The following NLRP9 variants were observed in gnomAD, a reference collection of about 807,000 sequenced individuals.
The protein encoded by NLRP9 is NLR family pyrin domain containing 9, also known as NACHT, LRR and PYD domains-containing protein 9.
A neutral mutation model predicts 83.1 loss-of-function variants in NLRP9; 88 were observed. That is an observed-to-expected ratio of 1.06 (90% confidence interval 0.89 to 1.26). NLRP9 has a LOEUF of 1.26. Ranked by LOEUF, NLRP9 falls within the 50% of genes most tolerant of loss-of-function variation. NLRP9 has a pLI of 0.00. For missense variants in NLRP9, 1,308 were observed against 1,179.3 expected, an observed-to-expected ratio of 1.11 and a Z score of -1.60; for synonymous variants, 521 against 447.6, an observed-to-expected ratio of 1.16 and a Z score of -2.07.
chr19:55,726,523 T>C (rs1988408556), intron 3 of NLRP9, among the ~76,000 whole-genome samples: 1 of 152,214 alleles, frequency 6.6e-6, no homozygotes, highest in African/African-American at 2.4e-5. Flanking sequence ...TGGAACATAT[T>C]GATCCATCTG....
chr19:55,714,747 G>A (rs1987940436), intron 6 of NLRP9, among the ~76,000 whole-genome samples: 1 of 152,108 alleles, frequency 6.6e-6, no homozygotes, highest in Non-Finnish European at 1.5e-5. Flanking sequence ...AACAAATTCA[G>A]TGTCTGGCGA....
chr19:55,716,383 C>T (rs1429372550), intron 5 of NLRP9, among the ~76,000 whole-genome samples: 11 of 151,776 alleles, frequency 7.2e-5, no homozygotes, highest in South Asian at 2.1e-4. Context: ...CTCAGCCTCC[C>T]GAGTAGCTGG....
chr19:55,712,401 G>T lies in NLRP9; in HGVS notation c.2672+19C>A, dbSNP rs1055650286. The T allele has an allele frequency of 5.7e-6, 9 of 1,592,288 alleles. No homozygotes were observed. The African/African-American group carries it at 8.1e-5, about 14-fold the overall frequency. ...GAAATAGATAAATTTTCCTACGATGGTGATCAGTAGATACTCACCCGAGAC... is the reference window on the plus strand; with the variant it reads ...GAAATAGATAAATTTTCCTACGATGTTGATCAGTAGATACTCACCCGAGAC... On this transcript the variant is annotated intron_variant, in intron 7 of 8. Transcript: ENST00000332836.
intron 8 of NLRP9, 112 bp from the exon 9 acceptor site, chr19:55,709,156 A>G: frequency 1.4e-6 from 1 of 707,264 alleles, no homozygotes; most frequent in Non-Finnish European, 2.2e-6. Context: ...CCTAGAAATC[A>G]CTGGGAGAAT....
chr19:55,732,789 T>C lies in NLRP9; in HGVS notation c.1042A>G (p.Lys348Glu). The stretch of plus-strand genomic sequence containing the variant: ...TCTTCTCCCCTCTCTAGCCTCTGTT[T>C]CACACAAGTACAGACCAACCAGCAC... ...FTCWLVCTCV[K>E]QRLERGEDLE... is the part of the protein sequence containing the mutation. Residue 348 changes from lysine (K) to glutamate (E), a missense_variant, in exon 2 of 9, where the codon AAA (lysine) becomes GAA (glutamate). By Grantham distance (56) the Lys-to-Glu change is moderately conservative. Coordinates refer to ENST00000332836, the MANE Select transcript of NLRP9 (RefSeq NM_176820.4). 6.2e-7 allele frequency: 1 copy of C among 1,614,176 alleles called. No homozygotes were observed. The highest frequency in any genetic ancestry group is 1.1e-5 in the South Asian group (1 of 91,076).
At chr19:55,720,729 G>A (rs1449360489) in intron 4 of NLRP9, among the ~76,000 whole-genome samples, 2 of 152,106 alleles carry the variant, frequency 1.3e-5, no homozygotes, top group Non-Finnish European at 2.9e-5. Flanking sequence ...TTAAGAATGT[G>A]GAAAACCAAA....
intron 3 of NLRP9, among the ~76,000 whole-genome samples, chr19:55,728,305 G>A (rs947083735): frequency 4.6e-5 from 7 of 152,086 alleles, no homozygotes; most frequent in African/African-American, 1.7e-4. Context: ...GGCCAGGTGC[G>A]GTGGCTCACG....
intron 3 of NLRP9, among the ~76,000 whole-genome samples, chr19:55,726,701 T>C (rs1420184963): frequency 6.6e-6 from 1 of 152,164 alleles, no homozygotes; most frequent in Non-Finnish European, 1.5e-5. Flanking sequence ...AACCATTCCA[T>C]GTGAGTGATG....
intron 6 of NLRP9, among the ~76,000 whole-genome samples, chr19:55,714,731 G>C (rs1412825178): frequency 1.3e-5 from 2 of 152,152 alleles, no homozygotes; most frequent in Non-Finnish European, 2.9e-5. Context: ...CCAAGATCAA[G>C]ATGCCAACAA....
At chr19:55,731,495 G>A (rs1376790555) in intron 2 of NLRP9, among the ~76,000 whole-genome samples, 1 of 152,076 alleles carries the variant, frequency 6.6e-6, no homozygotes, top group Non-Finnish European at 1.5e-5. Flanking sequence ...AGGCCGAGAT[G>A]GGTGGATCAC....
intron 6 of NLRP9, 49 bp from the exon 7 acceptor site, chr19:55,712,639 T>A (rs1436595670): frequency 1.3e-5 from 20 of 1,501,842 alleles, no homozygotes; most frequent in Non-Finnish European, 1.7e-5. Flanking sequence ...AGGTCAATCA[T>A]AACAGCCCAC....
At chr19:55,709,844 A>T (rs1296061503) in intron 8 of NLRP9, 3 of 152,244 alleles carry the variant, frequency 2.0e-5, no homozygotes, top group African/African-American at 7.2e-5. Context: ...AAATATAAAA[A>T]ATAAGTTCAC....
chr19:55,715,754 T>C (rs1253892617), intron 5 of NLRP9, among the ~76,000 whole-genome samples: 6 of 149,136 alleles, frequency 4.0e-5, no homozygotes, highest in Non-Finnish European at 9.0e-5. Flanking sequence ...TGGAATACAG[T>C]GTCCCAACAA....
intron 8 of NLRP9, 171 bp from the exon 9 acceptor site, chr19:55,709,215 G>A (rs1471536570): frequency 6.5e-6 from 3 of 460,964 alleles, no homozygotes; most frequent in Non-Finnish European, 7.5e-6. Flanking sequence ...AGGATAGGAA[G>A]CCTCTGATTT....
chr19:55,734,886 C>T (rs1216585267), intron 1 of NLRP9, among the ~76,000 whole-genome samples: 4 of 151,984 alleles, frequency 2.6e-5, no homozygotes, highest in African/African-American at 7.3e-5. Context: ...CTGCCCTCCT[C>T]GGCCTCCCAA....
At chr19:55,731,498 T>C (rs1171662161) in intron 2 of NLRP9, among the ~76,000 whole-genome samples, 1 of 151,620 alleles carries the variant, frequency 6.6e-6, no homozygotes. Context: ...CCGAGATGGG[T>C]GGATCACCTG....
At chr19:55,734,047 C>T (rs1004771184) in intron 1 of NLRP9, among the ~76,000 whole-genome samples, 4 of 151,106 alleles carry the variant, frequency 2.6e-5, no homozygotes, top group Non-Finnish European at 3.0e-5. Flanking sequence ...CGCAGCCTCC[C>T]GAGTAGCTGG....
At position 55,711,907 on chromosome 19, in the gene NLRP9, G is replaced by T; in HGVS notation, c.2736C>A (p.Cys912Ter). 1.2e-6 allele frequency: 2 copies of T among 1,613,280 alleles called. No homozygotes were observed. Among genetic ancestry groups the T allele is most frequent in the Non-Finnish European group, 1.7e-6 (2 of 1,179,968 alleles). The change falls in exon 8 of 9, where the codon TGC becomes TGA. Residue 912 changes from cysteine to a stop codon, truncating the protein, a stop_gained. Coordinates refer to ENST00000332836, the MANE Select transcript of NLRP9 (RefSeq NM_176820.4). LOFTEE classifies it high-confidence loss of function. ...CDDIAAALIACKTLRSLNLDW... is the reference protein window; with the variant it reads ...CDDIAAALIA ...CGAGGTTCAGGCTCCTCAGTGTTTT[G>T]CAGGCGATGAGTGCTGCGGCGATGT... is the stretch of plus-strand genomic sequence containing the variant.
chr19:55,725,145 CAT>C (rs1312969056), intron 3 of NLRP9, among the ~76,000 whole-genome samples: 1 of 152,102 alleles, frequency 6.6e-6, no homozygotes, highest in Non-Finnish European at 1.5e-5. Flanking sequence ...ATGTATATGC[CAT>C]ATATGTGTAT....
Sources: gnomAD v4.1 joint callset for allele counts (sites outside exome capture counted in the v4.1 genomes callset) on GRCh38, gnomAD v4.1.1 for gene constraint, MANE v1.5 for transcripts, NCBI Gene and HGNC (gene_info 2026-07-23, HGNC 2026-07-21) for gene names.